The following TBC1D14 variants were observed in gnomAD, a reference collection of about 807,000 sequenced individuals.
The protein encoded by TBC1D14 is TBC1 domain family member 14, also known as TBC1 domain family, member 14.
In TBC1D14, 26 loss-of-function variants were observed where a neutral mutation model predicts 79.0. The observed-to-expected ratio is 0.33, with a 90% CI of 0.24 to 0.46. The LOEUF is 0.46. TBC1D14 is among the 20% of genes least tolerant of loss of function. The pLI is 1.00. For synonymous variants in TBC1D14, 394 were observed against 349.9 expected (o/e 1.13, Z -1.40); for missense variants, 769 against 887.6 (o/e 0.87, Z 1.70).
intron 2 of TBC1D14, among the ~76,000 whole-genome samples, chr4:6,925,812 C>G (rs767982144): frequency 4.6e-5 from 7 of 152,142 alleles, no homozygotes; most frequent in South Asian, 2.1e-4. Flanking sequence ...CGTGCTCAGA[C>G]GAGTGTGTTC....
chr4:6,975,156 C>T (rs570838370), intron 3 of TBC1D14, among the ~76,000 whole-genome samples: 26 of 151,272 alleles, frequency 1.7e-4, no homozygotes, highest in Admixed American at 4.6e-4. Flanking sequence ...TCAAGAGATC[C>T]GCCCATCTTG....
Position 7,030,448 on chromosome 4 carries a change from C to G in TBC1D14, c.*56C>G. 1 of 1,589,264 alleles carries G rather than the reference C, an allele frequency of 6.3e-7. No individual in the cohort carries two copies. Among genetic ancestry groups the G allele is most frequent in the Non-Finnish European group, 8.6e-7 (1 of 1,158,942 alleles). On this transcript the variant is annotated 3_prime_UTR_variant, in exon 14 of 14. Coordinates refer to ENST00000409757, the MANE Select transcript of TBC1D14 (RefSeq NM_020773.3). Reference sequence around the variant, plus strand: ...ATCAGAGCCCCATGCCGCGGCCCCTCTGTTGTTTCAGACTGACACCCGGGC... The same window carrying G: ...ATCAGAGCCCCATGCCGCGGCCCCTGTGTTGTTTCAGACTGACACCCGGGC...
rs967105271 is a variant in TBC1D14, at chr4:6,990,067, C to T, written c.844-4117C>T. ...AGCTGAAGCAAATTGTATTTATGTA[C>T]TGTGTTTTATTGTTTTGTTTTTTTT... On this transcript the variant is annotated intron_variant, in intron 3 of 13. Coordinates refer to ENST00000409757, the MANE Select transcript of TBC1D14 (RefSeq NM_020773.3). Among the ~76,000 whole-genome samples, 7 of 152,316 alleles carry T rather than the reference C, an allele frequency of 4.6e-5. No homozygotes were observed. In the East Asian group the frequency reaches 1.4e-3, roughly 29 times the overall value.
rs1219933029 is a variant in TBC1D14, at chr4:6,999,086, G to A, written c.1047G>A (p.Glu349=). 6.2e-7 allele frequency: 1 copy of A among 1,614,032 alleles called. No individual in the cohort carries two copies. Among genetic ancestry groups the A allele is most frequent in the African/African-American group, 1.3e-5 (1 of 75,040 alleles). Residue 349 remains glutamate, a splice_region_variant and synonymous_variant, in exon 6 of 14, where the codon GAG becomes GAA. Coordinates refer to ENST00000409757, the MANE Select transcript of TBC1D14 (RefSeq NM_020773.3). ...EEMVVQAKKR[E]LKEAQRRKKQ... ...GTTTTTCTAAATTGTGATTTCTAGA[G>A]CTGAAAGAAGCCCAGCGAAGGAAGA...
chr4:6,928,298 C>T (rs1440294301), intron 2 of TBC1D14, among the ~76,000 whole-genome samples: 3 of 152,150 alleles, frequency 2.0e-5, no homozygotes, highest in Non-Finnish European at 1.5e-5. Context: ...TTTTCCGGAC[C>T]ACTTCCCGAC....
intron 2 of TBC1D14, among the ~76,000 whole-genome samples, chr4:6,957,453 G>A (rs114054504): frequency 4.0e-4 from 61 of 152,302 alleles, no homozygotes; most frequent in Non-Finnish European, 8.1e-4. Flanking sequence ...GGCATGGTAC[G>A]GCGTCTCCTT....
At chr4:7,010,979 C>G (rs375710436) in intron 11 of TBC1D14, among the ~76,000 whole-genome samples, 198 bp downstream of exon 11, 3 of 152,050 alleles carry the variant, frequency 2.0e-5, no homozygotes, top group Non-Finnish European at 4.4e-5. Context: ...GGTTAGTAGC[C>G]GTATGTCTGG....
chr4:6,922,009 T>C (rs1203484718), intron 1 of TBC1D14, among the ~76,000 whole-genome samples: 1 of 152,242 alleles, frequency 6.6e-6, no homozygotes, highest in East Asian at 1.9e-4. Context: ...CAGAGAACTT[T>C]AGACATGCCC....
chr4:6,918,873 A>G (rs1380108183), intron 1 of TBC1D14, among the ~76,000 whole-genome samples: 1 of 152,156 alleles, frequency 6.6e-6, no homozygotes, highest in Non-Finnish European at 1.5e-5. Flanking sequence ...AAATTTGTAT[A>G]TATTTGAATC....
chr4:6,952,068 G>A (rs1430016383), intron 2 of TBC1D14, among the ~76,000 whole-genome samples: 3 of 152,268 alleles, frequency 2.0e-5, no homozygotes, highest in East Asian at 3.9e-4. Context: ...CATAGCTGAT[G>A]TGCTAGACCA....
At chr4:6,989,199 C>G (rs1718228844) in intron 3 of TBC1D14, among the ~76,000 whole-genome samples, 1 of 152,158 alleles carries the variant, frequency 6.6e-6, no homozygotes, top group Admixed American at 6.5e-5. Flanking sequence ...CTGTGCAGAT[C>G]ACACGTGGAA....
At chr4:7,007,499 G>C in intron 9 of TBC1D14, 1 of 1,281,510 alleles carries the variant, frequency 7.8e-7, no homozygotes, top group Non-Finnish European at 1.0e-6. Flanking sequence ...CCTGTCCCTT[G>C]TCTGTTCTCA....
At position 7,010,708 on chromosome 4, in the gene TBC1D14, A is replaced by T. The variant is rs746777804; in HGVS notation, c.1574A>T (p.Asp525Val). 3.1e-6 allele frequency: 5 copies of T among 1,613,932 alleles called. No individual in the cohort carries two copies. In the South Asian group the frequency reaches 5.5e-5, roughly 18 times the overall value. Residue 525 changes from aspartate (D) to valine (V), a missense_variant, in exon 11 of 14, where the codon GAT becomes GTT. Physicochemically the swap from Asp to Val is radical, Grantham distance 152. Transcript: ENST00000409757. The stretch of plus-strand genomic sequence containing the variant: ...TTGATCTTGAACTTAGATACTGCAG[A>T]TGCCTTTATTGCCTTTTCTAACCTT... ...AVLILNLDTADAFIAFSNLLN... is the reference protein window; with the variant it reads ...AVLILNLDTAVAFIAFSNLLN...
At chr4:6,980,066 T>G (rs543856060) in intron 3 of TBC1D14, among the ~76,000 whole-genome samples, 63 of 152,184 alleles carry the variant, frequency 4.1e-4, no homozygotes, top group Non-Finnish European at 7.8e-4. Context: ...ATTCACAATT[T>G]ATAGAACACA....
chr4:7,015,567 G>C (rs967916562), intron 12 of TBC1D14, among the ~76,000 whole-genome samples: 4 of 152,206 alleles, frequency 2.6e-5, no homozygotes, highest in Non-Finnish European at 5.9e-5. Flanking sequence ...TCTTCATGCT[G>C]TGGTGAAAGG....
At chr4:6,910,327 C>G (rs1298007385) in intron 1 of TBC1D14, 1 of 152,440 alleles carries the variant, frequency 6.6e-6, no homozygotes, top group African/African-American at 2.4e-5. Flanking sequence ...CCCCGGAGCC[C>G]CCTTCCACCT....
At chr4:6,982,200 A>G (rs1434876536) in intron 3 of TBC1D14, among the ~76,000 whole-genome samples, 1 of 152,226 alleles carries the variant, frequency 6.6e-6, no homozygotes, top group East Asian at 1.9e-4. Context: ...TCTTTTCATA[A>G]TCTTCAAGAA....
rs147998642 is a variant in TBC1D14, at chr4:7,015,630, G to T, written c.1757+1073G>T. On this transcript the variant is annotated intron_variant, in intron 12 of 13. Transcript: ENST00000409757. The stretch of plus-strand genomic sequence containing the variant: ...AGCCCAGAGAGCACCATGTTTGAGG[G>T]CCAGGTAAGAGGGCTGGGAGACCTG... 4.8e-3 allele frequency among the ~76,000 whole-genome samples: 732 copies of T among 152,260 alleles called. 3 individuals carry two copies. Among genetic ancestry groups the T allele is most frequent in the African/African-American group, 0.017 (713 of 41,554 alleles).
At position 7,010,638 on chromosome 4, in the gene TBC1D14, T is replaced by A; in HGVS notation, c.1519-15T>A. ...GGCCACTGTGATTTTAACGTGCCTT[T>A]CTCTCCTCTCTCAGGTCCAGGGCAT... On this transcript the variant is annotated splice_polypyrimidine_tract_variant and intron_variant, in intron 10 of 13. Coordinates refer to ENST00000409757, the MANE Select transcript of TBC1D14 (RefSeq NM_020773.3). The A allele has an allele frequency of 6.2e-7, 1 of 1,608,572 alleles. No individual in the cohort carries two copies. Among genetic ancestry groups the A allele is most frequent in the Non-Finnish European group, 8.5e-7 (1 of 1,177,994 alleles).
Sources: allele counts gnomAD v4.1 joint callset (sites outside exome capture counted in the v4.1 genomes callset), GRCh38; gene constraint gnomAD v4.1.1; transcripts MANE v1.5; gene names NCBI Gene and HGNC (gene_info 2026-07-23, HGNC 2026-07-21).